Variants in KLHL29 observed in about 807,000 individuals in gnomAD.
The protein encoded by KLHL29 is kelch like family member 29.
In KLHL29, 21 loss-of-function variants were observed where a neutral mutation model predicts 80.4. That is an observed-to-expected ratio of 0.26 (90% CI 0.19 to 0.38). The LOEUF (loss-of-function observed/expected upper bound fraction) is 0.38, where lower values mean the gene tolerates loss of function less well. Among genes scored for constraint, KLHL29 ranks in the 10% least tolerant of loss-of-function variants. The pLI is 1.00. For missense variants in KLHL29, 867 were observed against 1,223.9 expected (o/e 0.71, Z 4.35); for synonymous variants, 511 against 526.8 (o/e 0.97, Z 0.41).
intron 2 of KLHL29, among the ~76,000 whole-genome samples, chr2:23,479,406 G>A (rs1664725817): frequency 2.0e-5 from 3 of 152,126 alleles, no homozygotes; most frequent in South Asian, 2.1e-4. Context: ...TGTCCACCTC[G>A]GTGTCAGCAA....
intron 1 of KLHL29, among the ~76,000 whole-genome samples, chr2:23,451,562 C>A (rs1663879396): frequency 6.6e-6 from 1 of 152,198 alleles, no homozygotes; most frequent in African/African-American, 2.4e-5. Context: ...AGCCTCATGG[C>A]CCCACTTGAG....
Position 23,424,100 on chromosome 2 carries a change from C to T in KLHL29, c.-154+38320C>T, listed in dbSNP as rs774659437. Among the ~76,000 whole-genome samples the T allele has an allele frequency of 9.5e-4, 144 of 152,330 alleles. 3 individuals are homozygous for T. Among genetic ancestry groups the T allele is most frequent in the Non-Finnish European group, 3.4e-4 (23 of 68,028 alleles). On this transcript the variant is annotated intron_variant, in intron 1 of 13. Transcript: ENST00000486442. Reference sequence around the variant, plus strand: ...CCTTTTCTTGTAATAACAGCACCATCCACCACTCCTCTCTGAGGAACGGTG... The same window carrying T: ...CCTTTTCTTGTAATAACAGCACCATTCACCACTCCTCTCTGAGGAACGGTG...
intron 5 of KLHL29, among the ~76,000 whole-genome samples, chr2:23,677,224 G>C (rs1213965643): frequency 6.6e-6 from 1 of 152,234 alleles, no homozygotes; most frequent in Non-Finnish European, 1.5e-5. Flanking sequence ...AGGGGCTGTA[G>C]GCACGGAGGG....
chr2:23,653,341 C>G (rs1572468455), intron 5 of KLHL29, among the ~76,000 whole-genome samples: 1 of 152,212 alleles, frequency 6.6e-6, no homozygotes. Context: ...TAGGAGTTGT[C>G]CATCTGAGAC....
chr2:23,446,719 C>T (rs945457612), intron 1 of KLHL29, among the ~76,000 whole-genome samples: 1 of 152,218 alleles, frequency 6.6e-6, no homozygotes, highest in African/African-American at 2.4e-5. Context: ...TCTCTCACGC[C>T]TGATTTTATT....
At position 23,584,655 on chromosome 2, in the gene KLHL29, G is replaced by A. The variant is rs189011474; in HGVS notation, c.285+22174G>A. Among the ~76,000 whole-genome samples the A allele has an allele frequency of 1.8e-3, 267 of 152,342 alleles. 1 individual carries two copies. Among genetic ancestry groups the A allele is most frequent in the Non-Finnish European group, 2.8e-3 (190 of 68,030 alleles). ...CACAGAGGCTGGGGCGGAGGGGGGCGGTGCCCATGAGGGACAGAGGAAGTC... is the reference window on the plus strand; with the variant it reads ...CACAGAGGCTGGGGCGGAGGGGGGCAGTGCCCATGAGGGACAGAGGAAGTC... On this transcript the variant is annotated intron_variant, in intron 3 of 13. Transcript: ENST00000486442.
intron 1 of KLHL29, among the ~76,000 whole-genome samples, chr2:23,458,795 G>A (rs1250803197): frequency 1.3e-5 from 2 of 152,172 alleles, no homozygotes; most frequent in Non-Finnish European, 2.9e-5. Context: ...AGAGGAGAAC[G>A]GGGACAGGGG....
At chr2:23,650,606 ACCT>A (rs1471362895) in intron 5 of KLHL29, among the ~76,000 whole-genome samples, 1 of 151,910 alleles carries the variant, frequency 6.6e-6, no homozygotes, top group Non-Finnish European at 1.5e-5. Context: ...CAAGGTGAAG[ACCT>A]CCTTGATTCT....
intron 2 of KLHL29, among the ~76,000 whole-genome samples, chr2:23,558,353 CA>C (rs1340430093): frequency 6.6e-6 from 1 of 151,802 alleles, no homozygotes; most frequent in Non-Finnish European, 1.5e-5. Context: ...ATTCTCCATT[CA>C]GGCCTGTCCT....
At chr2:23,521,003 C>A (rs112842433) in intron 2 of KLHL29, among the ~76,000 whole-genome samples, 6 of 151,274 alleles carry the variant, frequency 4.0e-5, no homozygotes, top group Non-Finnish European at 5.9e-5. Context: ...CCCCCCCCCC[C>A]GCTCCCCCTC....
chr2:23,389,701 G>T (rs1055320401), intron 1 of KLHL29, among the ~76,000 whole-genome samples: 2 of 151,996 alleles, frequency 1.3e-5, no homozygotes, highest in African/African-American at 4.8e-5. Context: ...AAAAAAAAAG[G>T]GGGGGGCGGA....
At chr2:23,630,689 T>C (rs140618260) in intron 3 of KLHL29, among the ~76,000 whole-genome samples, 33 of 152,208 alleles carry the variant, frequency 2.2e-4, no homozygotes, top group African/African-American at 7.5e-4. Context: ...GGTTTCACCA[T>C]GTTGGCCAGG....
chr2:23,438,843 T>C (rs1472200609), intron 1 of KLHL29, among the ~76,000 whole-genome samples: 1 of 151,792 alleles, frequency 6.6e-6, no homozygotes, highest in East Asian at 1.9e-4. Context: ...TTAGGGAGGA[T>C]TCCTTCTTTT....
intron 2 of KLHL29, among the ~76,000 whole-genome samples, chr2:23,556,963 T>C (rs980376181): frequency 1.3e-5 from 2 of 152,208 alleles, no homozygotes; most frequent in African/African-American, 4.8e-5. Context: ...CCTAGTGTCT[T>C]TGTAAACGGT....
chr2:23,612,894 A>T (rs1292123580), intron 3 of KLHL29, among the ~76,000 whole-genome samples: 1 of 152,222 alleles, frequency 6.6e-6, no homozygotes, highest in East Asian at 1.9e-4. Context: ...AGATAAATAA[A>T]TATCAATTGT....
intron 2 of KLHL29, among the ~76,000 whole-genome samples, chr2:23,477,564 A>G (rs1664673471): frequency 6.6e-6 from 1 of 152,256 alleles, no homozygotes; most frequent in Admixed American, 6.5e-5. Flanking sequence ...GGGCAGCCAG[A>G]GGAGAGGTGG....
intron 1 of KLHL29, among the ~76,000 whole-genome samples, chr2:23,474,340 C>T (rs1664573506): frequency 6.6e-6 from 1 of 152,178 alleles, no homozygotes; most frequent in Admixed American, 6.5e-5. Context: ...CTCTGTTCAC[C>T]AGCACTTATC....
intron 3 of KLHL29, among the ~76,000 whole-genome samples, chr2:23,602,498 A>C (rs1668596937): frequency 6.6e-6 from 1 of 152,076 alleles, no homozygotes; most frequent in Admixed American, 6.5e-5. Context: ...GCCAGTGGGG[A>C]ACTTTTAGGA....
At chr2:23,412,869 G>A (rs1438130) in intron 1 of KLHL29, among the ~76,000 whole-genome samples, 45,550 of 151,968 alleles carry the variant, frequency 0.3, 7,094 homozygotes, top group South Asian at 0.41. Context: ...GTTCAGCAGC[G>A]CAGGCATCCT....
Sources: allele counts gnomAD v4.1 joint callset (sites outside exome capture counted in the v4.1 genomes callset), GRCh38; gene constraint gnomAD v4.1.1; transcripts MANE v1.5; gene names NCBI Gene and HGNC (gene_info 2026-07-23, HGNC 2026-07-21).